Variants in SIGIRR observed in about 807,000 individuals in gnomAD.
The protein encoded by SIGIRR is single Ig IL-1-related receptor.
A neutral mutation model predicts 45.6 loss-of-function variants in SIGIRR; 41 were observed. The observed-to-expected ratio is 0.90, with a 90% CI of 0.70 to 1.17. The LOEUF (loss-of-function observed/expected upper bound fraction) is 1.17. SIGIRR is among the 50% of genes most tolerant of loss of function. SIGIRR has a pLI of 0.00. For synonymous variants in SIGIRR, 298 were observed against 239.0 expected, an observed-to-expected ratio of 1.25 and a Z score of -2.28; for missense variants, 599 against 539.6, an observed-to-expected ratio of 1.11 and a Z score of -1.09.
chr11:408,842 A>AGCACC lies in SIGIRR; in HGVS notation c.54_58dup (p.Leu20ArgfsTer3). 2 of 1,612,804 alleles carry AGCACC rather than the reference A, an allele frequency of 1.2e-6. No homozygotes were observed. Among genetic ancestry groups the AGCACC allele is most frequent in the Non-Finnish European group, 1.7e-6 (2 of 1,179,980 alleles). ...CACTGAGCTGCCCAAGGCAGGCCTCAGCACCTGGTCTTCAGACGGGGAGAG... is the reference window on the plus strand; with the variant it reads ...CACTGAGCTGCCCAAGGCAGGCCTCAGCACCGCACCTGGTCTTCAGACGGGGAGAG... On this transcript the variant is annotated frameshift_variant, in exon 3 of 10. Transcript: ENST00000431843. LOFTEE classifies it high-confidence loss of function.
At chr11:412,833 C>A (rs1847727866) in intron 1 of SIGIRR, among the ~76,000 whole-genome samples, 2 of 152,142 alleles carry the variant, frequency 1.3e-5, no homozygotes, top group African/African-American at 2.4e-5. Context: ...CTCAGCTTAG[C>A]CTCGCCCTGC....
intron 6 of SIGIRR, 59 bp downstream of exon 6, chr11:407,366 T>TGGGGCGGGGCGGGGCGGGGC (rs1332330696): frequency 7.9e-5 from 96 of 1,221,644 alleles, no homozygotes; most frequent in Non-Finnish European, 6.2e-5. Context: ...GGACGGAGCA[T>TGGGGCGGGGCGGGGCGGGGC]GGGGCGGGGC....
chr11:413,782 G>GCACA (rs2133653287), intron 1 of SIGIRR, among the ~76,000 whole-genome samples: 1 of 73,362 alleles, frequency 1.4e-5, no homozygotes, highest in Non-Finnish European at 2.7e-5. Flanking sequence ...TCCTCTGCCT[G>GCACA]CCTCCCCCTG....
upstream of SIGIRR, among the ~76,000 whole-genome samples, chr11:415,207 CGT>C (rs71022908): frequency 5.6e-3 from 816 of 144,554 alleles, 2 homozygotes; most frequent in Middle Eastern, 0.014. This position sits in a 1 kb window ranked among gnomAD's most constrained non-coding sequence, Gnocchi z 6.6. Context: ...CTCTGTGCAG[CGT>C]GTGTGTGTGT....
At chr11:409,701 T>G in intron 2 of SIGIRR, 167 bp downstream of exon 2, 1 of 692,280 alleles carries the variant, frequency 1.4e-6, no homozygotes, top group Non-Finnish European at 2.1e-6. Flanking sequence ...TCGCCCTGGT[T>G]TCAGGGCCAA....
At chr11:412,963 G>A (rs1847740099) in intron 1 of SIGIRR, among the ~76,000 whole-genome samples, 1 of 152,266 alleles carries the variant, frequency 6.6e-6, no homozygotes, top group South Asian at 2.1e-4. Context: ...TCCTCAGTGA[G>A]GTGGCTGCAG....
intron 2 of SIGIRR, chr11:409,217 C>T: frequency 2.1e-6 from 1 of 476,980 alleles, no homozygotes. Context: ...CCAGATGCAC[C>T]TGTTGCCCAC....
At chr11:408,236 A>G in intron 3 of SIGIRR, 30 bp from the exon 4 acceptor site, 2 of 1,610,586 alleles carry the variant, frequency 1.2e-6, no homozygotes, top group Non-Finnish European at 1.7e-6. Flanking sequence ...GTCAGGGTCG[A>G]CTGGGGATAC....
At chr11:408,293 C>T (rs1847445643) in intron 3 of SIGIRR, 87 bp from the exon 4 acceptor site, 2 of 1,530,796 alleles carry the variant, frequency 1.3e-6, no homozygotes, top group Non-Finnish European at 1.8e-6. Context: ...CCCAGGGAGG[C>T]TGCAGAATTG....
intron 3 of SIGIRR, 51 bp from the exon 4 acceptor site, chr11:408,257 C>A (rs776016979): frequency 1.9e-6 from 3 of 1,592,038 alleles, no homozygotes; most frequent in Non-Finnish European, 2.6e-6. Flanking sequence ...CAGTGGACAC[C>A]CCCGAACCCC....
At position 409,864 on chromosome 11, in the gene SIGIRR, C is replaced by T. The variant is rs1051537245; in HGVS notation, c.7+4G>A. On this transcript the variant is annotated splice_donor_region_variant and intron_variant, in intron 2 of 9. Transcript: ENST00000431843. ...TCAAGCCCATCCCTCTCTGACCTGCCTACCTGGCATGGCTCTGAGCCGGGG... is the reference window on the plus strand; with the variant it reads ...TCAAGCCCATCCCTCTCTGACCTGCTTACCTGGCATGGCTCTGAGCCGGGG... 3.8e-6 allele frequency: 5 copies of T among 1,332,446 alleles called. No individual in the cohort carries two copies. The highest frequency in any genetic ancestry group is 3.9e-6 in the Non-Finnish European group (4 of 1,035,334). 82.5% of individuals were successfully genotyped at this position (1,332,446 alleles called of 1,614,324 possible).
chr11:406,869 A>G lies in SIGIRR; in HGVS notation c.853T>C (p.Leu285=). 6.3e-7 allele frequency: 1 copy of G among 1,577,468 alleles called. No homozygotes were observed. The highest frequency in any genetic ancestry group is 8.6e-7 in the Non-Finnish European group (1 of 1,168,200). The change falls in exon 8 of 10, where the codon TTG becomes CTG. Residue 285 remains leucine (L), a synonymous_variant. Transcript: ENST00000431843. ...ACGGAGCCGGGCCTCCAGAGCAGCAAGGTCACCAGGTGGCGGTGCTGGCGC... is the reference window on the plus strand; with the variant it reads ...ACGGAGCCGGGCCTCCAGAGCAGCAGGGTCACCAGGTGGCGGTGCTGGCGC... The part of the protein sequence containing the change: ...LLRQHRHLVT[L]LLWRPGSVTP...
At chr11:406,736 A>C in intron 8 of SIGIRR, 107 bp downstream of exon 8, 1 of 1,423,938 alleles carries the variant, frequency 7.0e-7, no homozygotes, top group Non-Finnish European at 9.2e-7. Context: ...CCATTCACAA[A>C]GCGTGGTGCC....
In SIGIRR at chr11:405,843, C is replaced by T; in HGVS notation, c.*53G>A. On this transcript the variant is annotated 3_prime_UTR_variant, in exon 10 of 10. Transcript: ENST00000431843. ...GTGGTCCTGTTGAGCAGAGGAGCGACGCCGCTGCCCTGGCCCCCGCTGTCC... is the reference window on the plus strand; with the variant it reads ...GTGGTCCTGTTGAGCAGAGGAGCGATGCCGCTGCCCTGGCCCCCGCTGTCC... 6.5e-7 allele frequency: 1 copy of T among 1,537,350 alleles called. No individual in the cohort carries two copies.
At chr11:409,295 C>CTGCTGGGGAA in intron 2 of SIGIRR, 1 of 370,504 alleles carries the variant, frequency 2.7e-6, no homozygotes, top group South Asian at 2.2e-5. Context: ...CCTGGCCTGC[C>CTGCTGGGGAA]TCTGCTGGGG....
chr11:413,874 C>T (rs1847789647), intron 1 of SIGIRR, among the ~76,000 whole-genome samples: 1 of 137,170 alleles, frequency 7.3e-6, no homozygotes, highest in Non-Finnish European at 1.6e-5. Flanking sequence ...CTGCCTCCCC[C>T]TGCACCCTCT....
At position 410,060 on chromosome 11, in the gene SIGIRR, G is replaced by A. The variant is rs1564891555; in HGVS notation, c.-153-33C>T. 26 of 1,238,168 alleles carry A rather than the reference G, an allele frequency of 2.1e-5. No individual in the cohort carries two copies. The East Asian group carries it at 3.5e-4, about 17-fold the overall frequency. 76.7% of individuals were successfully genotyped at this position (1,238,168 alleles called of 1,614,324 possible). The stretch of plus-strand genomic sequence containing the variant: ...CATCCCCAGGGAACAAGTTAAACAG[G>A]AACAGGATGAGTTAACCAGTAACTG... On this transcript the variant is annotated intron_variant, in intron 1 of 9. Transcript: ENST00000431843.
At position 406,531 on chromosome 11, in the gene SIGIRR, G is replaced by A. The variant is rs150864495; in HGVS notation, c.887C>T (p.Ser296Phe). The A allele has an allele frequency of 1.9e-5, 30 of 1,608,520 alleles. No homozygotes were observed. The African/African-American group carries it at 2.4e-4, about 13-fold the overall frequency. ...LLWRPGSVTP[S>F]SDFWKEVQLA... ...CTGCACTTCTTTCCAAAAATCGGAGGAAGGAGTCTGGGGGCCAGGTCGGGG... is the reference window on the plus strand; with the variant it reads ...CTGCACTTCTTTCCAAAAATCGGAGAAAGGAGTCTGGGGGCCAGGTCGGGG... The change falls in exon 9 of 10, where the codon TCC becomes TTC. Residue 296 changes from serine (S) to phenylalanine (F), a missense_variant. Coordinates refer to ENST00000431843, the MANE Select transcript of SIGIRR (RefSeq NM_001135054.2).
chr11:407,052 C>G lies in SIGIRR; in HGVS notation c.728+10G>C. ...ACGCTGGGGCCCACCCAACCCCGCG[C>G]GGGACCCACCGGAAGCTGTGGCTGC... is the stretch of plus-strand genomic sequence containing the variant. On this transcript the variant is annotated intron_variant, in intron 7 of 9. Transcript: ENST00000431843. 3 of 1,574,934 alleles carry G rather than the reference C, an allele frequency of 1.9e-6. No individual in the cohort carries two copies. Among genetic ancestry groups the G allele is most frequent in the Non-Finnish European group, 1.7e-6 (2 of 1,167,058 alleles).
Sources: gnomAD v4.1 joint callset for allele counts (sites outside exome capture counted in the v4.1 genomes callset) on GRCh38, gnomAD v4.1.1 for gene constraint, Gnocchi (gnomAD v3.1) non-coding constraint, MANE v1.5 for transcripts, NCBI Gene and HGNC (gene_info 2026-07-23, HGNC 2026-07-21) for gene names.